The following ATP13A5 variants were observed in gnomAD, a reference collection of about 807,000 sequenced individuals.
The protein encoded by ATP13A5 is ATPase 13A5, also known as probable cation-transporting ATPase 13A5.
Under a neutral mutation model 150.2 loss-of-function variants are expected in ATP13A5, and 149 were observed. That is an observed-to-expected ratio of 0.99 (90% confidence interval 0.87 to 1.14). ATP13A5 has a LOEUF of 1.14. Ranked by LOEUF, ATP13A5 falls within the 50% of genes most tolerant of loss-of-function variation. ATP13A5 has a pLI of 0.00. For missense variants in ATP13A5, 1,383 were observed against 1,449.3 expected, an observed-to-expected ratio of 0.95 and a Z score of 0.74; for synonymous variants, 497 against 522.2, an observed-to-expected ratio of 0.95 and a Z score of 0.66.
intron 25 of ATP13A5, among the ~76,000 whole-genome samples, chr3:193,297,532 T>G (rs1300043820): frequency 6.6e-6 from 1 of 152,004 alleles, no homozygotes; most frequent in Non-Finnish European, 1.5e-5. Flanking sequence ...TCTCCCTGAG[T>G]TTAGCCCATT....
intron 26 of ATP13A5, among the ~76,000 whole-genome samples, chr3:193,286,015 G>C (rs911929176): frequency 1.3e-4 from 20 of 152,018 alleles, no homozygotes; most frequent in Non-Finnish European, 2.6e-4. Flanking sequence ...GTTTTAGTTA[G>C]ATTTACAATA....
At chr3:193,344,300 T>C (rs1712243246) in intron 8 of ATP13A5, among the ~76,000 whole-genome samples, 1 of 152,222 alleles carries the variant, frequency 6.6e-6, no homozygotes, top group African/African-American at 2.4e-5. Context: ...TGGTGTGCTT[T>C]GCCCACAGCA....
chr3:193,299,082 T>C, intron 25 of ATP13A5, 49 bp downstream of exon 25: 1 of 1,456,714 alleles, frequency 6.9e-7, no homozygotes, highest in Non-Finnish European at 9.3e-7. Context: ...GTTTCTAGAA[T>C]TTCATAGATA....
intron 1 of ATP13A5, among the ~76,000 whole-genome samples, chr3:193,368,335 A>G (rs2108583304): frequency 6.6e-6 from 1 of 152,010 alleles, no homozygotes; most frequent in South Asian, 2.1e-4. Flanking sequence ...ATAAACGAAG[A>G]GCTGTATTAA....
intron 8 of ATP13A5, 25 bp downstream of exon 8, chr3:193,344,978 G>A (rs367591400): frequency 1.9e-6 from 3 of 1,591,768 alleles, no homozygotes; most frequent in Admixed American, 1.7e-5. Context: ...TTAAGATGCT[G>A]AAGATGGCCT....
chr3:193,348,275 T>A (rs1712427525), intron 7 of ATP13A5, among the ~76,000 whole-genome samples: 1 of 152,198 alleles, frequency 6.6e-6, no homozygotes, highest in African/African-American at 2.4e-5. Context: ...CAAGATGAAT[T>A]TGCATATCGT....
At chr3:193,319,183 C>T (rs1719168375) in intron 16 of ATP13A5, 75 bp from the exon 17 acceptor site, 1 of 1,036,968 alleles carries the variant, frequency 9.6e-7, no homozygotes, top group African/African-American at 1.6e-5. Context: ...AGGACACAGC[C>T]ATTGTACCTT....
intron 25 of ATP13A5, among the ~76,000 whole-genome samples, chr3:193,295,770 T>C (rs1186747825): frequency 6.6e-6 from 1 of 152,180 alleles, no homozygotes; most frequent in Non-Finnish European, 1.5e-5. Context: ...GTTATTTAAC[T>C]ATAAGCATGT....
intron 20 of ATP13A5, among the ~76,000 whole-genome samples, chr3:193,311,516 C>G (rs777319398): frequency 6.6e-6 from 1 of 152,086 alleles, no homozygotes; most frequent in African/African-American, 2.4e-5. Context: ...AAACAAGCAC[C>G]GTGTTTGGAA....
At position 193,354,165 on chromosome 3, in the gene ATP13A5, C is replaced by A; in HGVS notation, c.568G>T (p.Val190Phe). The change falls in exon 6 of 30, where the codon GTT (valine) becomes TTT (phenylalanine). Residue 190 changes from valine to phenylalanine, a missense_variant. Around this residue, in one of 3 missense-constraint regions of ATP13A5, gnomAD observed 787 missense variants for 771.9 expected, o/e 1.02. Coordinates refer to ENST00000342358, the MANE Select transcript of ATP13A5 (RefSeq NM_198505.4). ...AGCTTCCATATGGGTTGGATTTCAA[C>A]CTCAATGGCGTTGGGCCCACACACT... ...RLVCGPNAIE[V>F]EIQPIWKLLV... is the part of the protein sequence containing the mutation. 1 of 1,612,310 alleles carries A rather than the reference C, an allele frequency of 6.2e-7. No homozygotes were observed. Among genetic ancestry groups the A allele is most frequent in the East Asian group, 2.2e-5 (1 of 44,848 alleles).
intron 1 of ATP13A5, among the ~76,000 whole-genome samples, chr3:193,364,766 T>C (rs910700743): frequency 5.9e-5 from 9 of 152,142 alleles, no homozygotes; most frequent in African/African-American, 2.2e-4. Flanking sequence ...AATAACATGA[T>C]TGAGGACGAC....
At position 193,344,044 on chromosome 3, in the gene ATP13A5, G is replaced by A; in HGVS notation, c.826C>T (p.Leu276=). The A allele has an allele frequency of 6.2e-7, 1 of 1,613,128 alleles. No homozygotes were observed. The highest frequency in any genetic ancestry group is 2.2e-5 in the East Asian group (1 of 44,818). The change falls in exon 9 of 30, where the codon CTG becomes TTG. Residue 276 remains leucine (L), a synonymous_variant. Transcript: ENST00000342358. ...IIVKDKGLEE[L]ESRLLVPGDI... is the part of the protein sequence containing the mutation. ...CCGGGAACCAAGAGACGGGATTCCA[G>A]CTCCTCCAAACCTACACCAAAGCAA...
chr3:193,363,306 T>C lies in ATP13A5; in HGVS notation c.314A>G (p.Lys105Arg), dbSNP rs192753632. ...GTCAGCCACCAGGGATTCTTCCCAC[T>C]TCTTGCTTACAGGAAACTTCAGTGT... ...LSTLKFPVSK[K>R]WEESLVADRH... is the part of the protein sequence containing the mutation. The change falls in exon 3 of 30, where the codon AAG becomes AGG. Residue 105 changes from lysine to arginine, a missense_variant. Lys to Arg is a conservative substitution (Grantham distance 26, BLOSUM62 2). Coordinates refer to ENST00000342358, the MANE Select transcript of ATP13A5 (RefSeq NM_198505.4). The C allele has an allele frequency of 5.2e-5, 84 of 1,614,012 alleles. 1 individual carries two copies. In the African/African-American group the frequency reaches 1.1e-3, roughly 20 times the overall value.
Position 193,311,797 on chromosome 3 carries a change from T to C in ATP13A5, c.2445+19A>G. 2.5e-6 allele frequency: 4 copies of C among 1,613,026 alleles called. No individual in the cohort carries two copies. The highest frequency in any genetic ancestry group is 3.4e-6 in the Non-Finnish European group (4 of 1,179,410). ...TGATTTGAGGAGCAAAACAAAACACTTCTTTCTTCAGTACTTACTTTTGGA... is the reference window on the plus strand; with the variant it reads ...TGATTTGAGGAGCAAAACAAAACACCTCTTTCTTCAGTACTTACTTTTGGA... On this transcript the variant is annotated intron_variant, in intron 20 of 29. Transcript: ENST00000342358.
Position 193,315,044 on chromosome 3 carries a change from G to A in ATP13A5, c.2086C>T (p.Arg696Cys), listed in dbSNP as rs150495266. ...TFLGLLIMENRLKKETKLVLK... is the reference protein window; with the variant it reads ...TFLGLLIMENCLKKETKLVLK... Reference sequence around the variant, plus strand: ...ACCAGTTTGGTTTCTTTTTTCAAGCGATTCTCCATGATGAGAAGTCCCAGA... The same window carrying A: ...ACCAGTTTGGTTTCTTTTTTCAAGCAATTCTCCATGATGAGAAGTCCCAGA... Residue 696 changes from arginine (R) to cysteine (C), a missense_variant, in exon 18 of 30, where the codon CGC becomes TGC. Physicochemically the swap from Arg to Cys is radical, Grantham distance 180. Around this residue, in one of 3 missense-constraint regions of ATP13A5, gnomAD observed 568 missense variants for 621.5 expected, o/e 0.91. Coordinates refer to ENST00000342358, the MANE Select transcript of ATP13A5 (RefSeq NM_198505.4). 703 of 1,613,292 alleles carry A rather than the reference G, an allele frequency of 4.4e-4. No homozygotes were observed. Among genetic ancestry groups the A allele is most frequent in the Non-Finnish European group, 5.6e-4 (666 of 1,179,658 alleles).
intron 1 of ATP13A5, among the ~76,000 whole-genome samples, chr3:193,367,253 T>G (rs1204668036): frequency 3.9e-5 from 6 of 151,938 alleles, no homozygotes; most frequent in Admixed American, 3.9e-4. Context: ...AACAGCAAAG[T>G]CAAATTGGTA....
intron 6 of ATP13A5, among the ~76,000 whole-genome samples, chr3:193,351,532 C>T (rs1219467348): frequency 6.6e-6 from 1 of 152,152 alleles, no homozygotes; most frequent in African/African-American, 2.4e-5. Context: ...GGGGGAGGTA[C>T]ATGATTCAGT....
chr3:193,333,061 T>A (rs1256073594), intron 11 of ATP13A5, among the ~76,000 whole-genome samples: 1 of 152,062 alleles, frequency 6.6e-6, no homozygotes, highest in Non-Finnish European at 1.5e-5. Context: ...AGCAGTTAAG[T>A]TTTGGCGTGA....
chr3:193,317,792 T>C (rs1719104667), intron 17 of ATP13A5, among the ~76,000 whole-genome samples: 1 of 152,182 alleles, frequency 6.6e-6, no homozygotes. Context: ...TTTTCTTATT[T>C]TGTTATATTT....
Sources: allele counts gnomAD v4.1 joint callset (sites outside exome capture counted in the v4.1 genomes callset), GRCh38; gene constraint gnomAD v4.1.1; regional missense constraint gnomAD v4.1.1; transcripts MANE v1.5; gene names NCBI Gene and HGNC (gene_info 2026-07-23, HGNC 2026-07-21).